Variants in CCNJL observed in about 807,000 individuals in gnomAD.
CCNJL encodes the protein cyclin J like.
CCNJL carries 33 observed loss-of-function variants against 33.4 expected under a neutral mutation model. That is an observed-to-expected ratio of 0.99 (90% CI 0.75 to 1.32). CCNJL has a LOEUF of 1.32. CCNJL is among the 40% of genes most tolerant of loss of function. The pLI is 0.00. For synonymous variants in CCNJL, 227 were observed against 220.9 expected, an observed-to-expected ratio of 1.03 and a Z score of -0.24; for missense variants, 512 against 499.7, an observed-to-expected ratio of 1.02 and a Z score of -0.23.
At chr5:160,276,001 T>G (rs979142130) in intron 3 of CCNJL, among the ~76,000 whole-genome samples, 1 of 152,240 alleles carries the variant, frequency 6.6e-6, no homozygotes, top group African/African-American at 2.4e-5. Context: ...ACTGCAGCGC[T>G]GTTCACAACA....
intron 3 of CCNJL, chr5:160,276,416 A>T (rs1242439639): frequency 2.1e-5 from 3 of 140,614 alleles, no homozygotes; most frequent in African/African-American, 8.7e-5. Context: ...ACTCCGTCTC[A>T]AAAAAAAAAA....
At chr5:160,265,690 C>G (rs12653002) in intron 3 of CCNJL, among the ~76,000 whole-genome samples, 6,624 of 151,244 alleles carry the variant, frequency 0.044, 226 homozygotes, top group South Asian at 0.19. Context: ...AACCCTGTCT[C>G]TACTAAAATA....
chr5:160,326,880 A>G, intron 1 of CCNJL: 2 of 686,728 alleles, frequency 2.9e-6, no homozygotes, highest in Middle Eastern at 4.1e-4. Flanking sequence ...ATGATACAGA[A>G]GAGATTCATT....
At chr5:160,289,453 C>A (rs1360180314) in intron 2 of CCNJL, among the ~76,000 whole-genome samples, 1 of 152,106 alleles carries the variant, frequency 6.6e-6, no homozygotes, top group East Asian at 1.9e-4. Flanking sequence ...TGGCTTCCTT[C>A]CTTAGGGTAA....
upstream of CCNJL, chr5:160,315,380 A>C (rs1391220337): frequency 7.1e-6 from 3 of 421,766 alleles, no homozygotes; most frequent in Non-Finnish European, 1.4e-5. Context: ...GGTGGTATAC[A>C]CCTGTAGTCT....
intron 3 of CCNJL, among the ~76,000 whole-genome samples, chr5:160,279,905 A>G (rs1451723603): frequency 6.6e-6 from 1 of 152,246 alleles, no homozygotes; most frequent in Non-Finnish European, 1.5e-5. Flanking sequence ...AGTAGCAGCG[A>G]ATTAACACAG....
intron 2 of CCNJL, among the ~76,000 whole-genome samples, chr5:160,301,772 C>A (rs1056553014): frequency 6.7e-6 from 1 of 149,878 alleles, no homozygotes; most frequent in Non-Finnish European, 1.5e-5. Flanking sequence ...CTTTGTCACC[C>A]AGGCTGGAGT....
At chr5:160,293,726 C>T (rs911815745) in intron 2 of CCNJL, among the ~76,000 whole-genome samples, 2 of 152,176 alleles carry the variant, frequency 1.3e-5, no homozygotes, top group Non-Finnish European at 2.9e-5. Context: ...GCCCTAGTAG[C>T]CAGGAAACTG....
chr5:160,267,667 T>C (rs1332862678), intron 3 of CCNJL, among the ~76,000 whole-genome samples: 1 of 152,186 alleles, frequency 6.6e-6, no homozygotes, highest in African/African-American at 2.4e-5. Flanking sequence ...TAGTTTCAGC[T>C]TCACCCCATC....
At chr5:160,323,195 A>G (rs1240791774) in intron 1 of CCNJL, among the ~76,000 whole-genome samples, 6 of 151,210 alleles carry the variant, frequency 4.0e-5, no homozygotes, top group Non-Finnish European at 8.8e-5. Context: ...AGATCGTGAC[A>G]CTGCACTCCA....
intron 1 of CCNJL, among the ~76,000 whole-genome samples, chr5:160,321,048 TTC>T (rs2097031516): frequency 4.2e-5 from 5 of 119,630 alleles, no homozygotes; most frequent in African/African-American, 1.8e-4. Context: ...CTTTCTTTCT[TTC>T]TTTCTTTCTT....
intron 3 of CCNJL, 123 bp downstream of exon 3, chr5:160,280,402 G>T: frequency 1.3e-6 from 1 of 785,186 alleles, no homozygotes; most frequent in Non-Finnish European, 2.1e-6. Context: ...AAAACGCTCA[G>T]TGAAGGATGA....
intron 2 of CCNJL, among the ~76,000 whole-genome samples, chr5:160,298,816 A>G (rs1006076515): frequency 2.6e-5 from 4 of 152,220 alleles, no homozygotes; most frequent in Non-Finnish European, 5.9e-5. Flanking sequence ...GTTAAATGAC[A>G]GTATGAGGAG....
Position 160,256,700 on chromosome 5 carries a change from G to A in CCNJL, c.584-992C>T, listed in dbSNP as rs911659017. On this transcript the variant is annotated intron_variant, in intron 4 of 5. Coordinates refer to ENST00000257536, the MANE Select transcript of CCNJL (RefSeq NM_001308173.3). ...TGGGAGGCCAAGGCAGGTGGATCACGAGGTCAGGAGTTCGAGACCAGCCTG... is the reference window on the plus strand; with the variant it reads ...TGGGAGGCCAAGGCAGGTGGATCACAAGGTCAGGAGTTCGAGACCAGCCTG... Among the ~76,000 whole-genome samples, 10 of 152,140 alleles carry A rather than the reference G, an allele frequency of 6.6e-5. No individual in the cohort carries two copies. The South Asian group carries it at 1.9e-3, about 28-fold the overall frequency.
intron 1 of CCNJL, among the ~76,000 whole-genome samples, chr5:160,319,332 G>C (rs1581018496): frequency 1.3e-5 from 2 of 152,102 alleles, no homozygotes; most frequent in African/African-American, 4.8e-5. Context: ...CAATCCTTGT[G>C]GCAAAGTTTT....
intron 3 of CCNJL, among the ~76,000 whole-genome samples, chr5:160,277,445 T>A (rs1358378496): frequency 6.6e-6 from 1 of 152,074 alleles, no homozygotes; most frequent in Non-Finnish European, 1.5e-5. Flanking sequence ...GCAGGAGGGG[T>A]GCTGTATAAG....
chr5:160,313,935 GGGCA>G (rs1763345453), upstream of CCNJL, among the ~76,000 whole-genome samples: 2 of 152,258 alleles, frequency 1.3e-5, no homozygotes, highest in South Asian at 4.1e-4. Context: ...GGGAGGCCAA[GGGCA>G]GGCAGATCAC....
chr5:160,302,631 A>G (rs748050095), intron 2 of CCNJL, among the ~76,000 whole-genome samples: 3 of 151,946 alleles, frequency 2.0e-5, no homozygotes, highest in Non-Finnish European at 4.4e-5. Flanking sequence ...GGCCAACGTG[A>G]TGAAACCCCA....
chr5:160,286,359 G>A (rs149324528), intron 2 of CCNJL, among the ~76,000 whole-genome samples: 1 of 152,326 alleles, frequency 6.6e-6, no homozygotes, highest in Admixed American at 6.5e-5. Flanking sequence ...AAAAAGTTAT[G>A]GACCAGGTGC....
Sources: allele counts gnomAD v4.1 joint callset (sites outside exome capture counted in the v4.1 genomes callset), GRCh38; gene constraint gnomAD v4.1.1; transcripts MANE v1.5; gene names NCBI Gene and HGNC (gene_info 2026-07-23, HGNC 2026-07-21).